Variants in RHBDF1 observed in about 807,000 individuals in gnomAD.
The protein encoded by RHBDF1 is rhomboid 5 homolog 1, also known as inactive rhomboid protein 1.
Under a neutral mutation model 98.6 loss-of-function variants are expected in RHBDF1, and 80 were observed. That is an observed-to-expected ratio of 0.81 (90% CI 0.68 to 0.98). The LOEUF is 0.98. RHBDF1 is among the 50% of genes least tolerant of loss of function. The pLI, the probability that RHBDF1 is intolerant of heterozygous loss-of-function variation, is 0.00. For missense variants in RHBDF1, 1,116 were observed against 1,198.3 expected, an observed-to-expected ratio of 0.93 and a Z score of 1.01; for synonymous variants, 512 against 486.8, an observed-to-expected ratio of 1.05 and a Z score of -0.68.
At chr16:59,700 G>A (rs769506133) in intron 14 of RHBDF1, 32 bp downstream of exon 14, 3 of 1,609,928 alleles carry the variant, frequency 1.9e-6, no homozygotes, top group South Asian at 2.2e-5. Context: ...TGAGCCCAGA[G>A]ACCAGCTGCA....
upstream of RHBDF1, among the ~76,000 whole-genome samples, chr16:72,870 G>A (rs1898015836): frequency 6.6e-6 from 1 of 152,184 alleles, no homozygotes; most frequent in Admixed American, 6.5e-5. Flanking sequence ...GCGCTGGGCG[G>A]CTCCGCCTCT....
chr16:66,809 G>A (rs1218233702), intron 1 of RHBDF1, among the ~76,000 whole-genome samples: 1 of 152,198 alleles, frequency 6.6e-6, no homozygotes, highest in Admixed American at 6.5e-5. Context: ...CACGAGCCAA[G>A]GGCAGCAACT....
At chr16:72,819 C>T (rs1661679625), upstream of RHBDF1, among the ~76,000 whole-genome samples, 1 of 152,184 alleles carries the variant, frequency 6.6e-6, no homozygotes, top group Non-Finnish European at 1.5e-5. Flanking sequence ...TCCAGCGCCT[C>T]GGCCCGACGG....
In RHBDF1 at chr16:61,113, A is replaced by C. The variant is rs1897597056; in HGVS notation, c.1557+7T>G. 1.3e-6 allele frequency: 2 copies of C among 1,522,024 alleles called. No homozygotes were observed. Among genetic ancestry groups the C allele is most frequent in the Non-Finnish European group, 1.8e-6 (2 of 1,134,272 alleles). 94.3% of individuals were successfully genotyped at this position (1,522,024 alleles called of 1,614,324 possible). ...CGAAGGCGGGAGTCCCGGGCGGGGAAACGCACCGAGCACTCCTCCTCCGAG... is the reference window on the plus strand; with the variant it reads ...CGAAGGCGGGAGTCCCGGGCGGGGACACGCACCGAGCACTCCTCCTCCGAG... On this transcript the variant is annotated splice_region_variant and intron_variant, in intron 11 of 17. Transcript: ENST00000262316.
intron 1 of RHBDF1, among the ~76,000 whole-genome samples, chr16:70,064 C>A (rs1256715174): frequency 6.6e-6 from 1 of 152,010 alleles, no homozygotes; most frequent in African/African-American, 2.4e-5. Flanking sequence ...ACAGGGGTCA[C>A]CAGAGCTAAA....
At chr16:61,306 C>T (rs999383332) in intron 10 of RHBDF1, 25 bp from the exon 11 acceptor site, 17 of 1,541,644 alleles carry the variant, frequency 1.1e-5, no homozygotes, top group African/African-American at 1.4e-5. Flanking sequence ...GACGAGCGGC[C>T]GCAGTCCGGG....
At position 63,679 on chromosome 16, in the gene RHBDF1, G is replaced by A; in HGVS notation, c.370C>T (p.Leu124=). The A allele has an allele frequency of 1.2e-6, 2 of 1,612,862 alleles. No individual in the cohort carries two copies. The highest frequency in any genetic ancestry group is 1.3e-5 in the African/African-American group (1 of 75,054). ...ACGTTGTCCTGGCTGGGCAGGTCCA[G>A]CTCCCGGAGGACCTGGGGCTTCAGC... ...GKLKPQVLRE[L]DLPSQDNVSL... Residue 124 remains leucine, a synonymous_variant, in exon 4 of 18, where the codon CTG becomes TTG. Transcript: ENST00000262316.
At chr16:64,339 A>G in intron 3 of RHBDF1, 1 of 1,356,888 alleles carries the variant, frequency 7.4e-7, no homozygotes, top group Non-Finnish European at 9.8e-7. Context: ...ATACCTGAGC[A>G]GGGACCAAGA....
At position 62,107 on chromosome 16, in the gene RHBDF1, C is replaced by CT; in HGVS notation, c.954-56dup. ...CCAGCCCCGCAAACTGCTGCAGTCC[C>CT]TCCCCGGGGGGCACCAGGGCACCCT... On this transcript the variant is annotated intron_variant, in intron 7 of 17. Transcript: ENST00000262316. 7.0e-6 allele frequency: 10 copies of CT among 1,433,108 alleles called. No individual in the cohort carries two copies. The South Asian group carries it at 1.3e-4, about 19-fold the overall frequency. The allele number at this position is 1,433,108 out of a possible 1,614,324, so 88.8% of individuals were successfully genotyped here.
At chr16:60,708 G>A in intron 11 of RHBDF1, 169 bp from the exon 12 acceptor site, 1 of 594,602 alleles carries the variant, frequency 1.7e-6, no homozygotes, top group African/African-American at 1.9e-5. Context: ...CAAGGAGTTT[G>A]ACGGCATAAT....
intron 3 of RHBDF1, chr16:64,466 T>C (rs765804666): frequency 1.3e-6 from 2 of 1,506,764 alleles, no homozygotes; most frequent in Non-Finnish European, 1.8e-6. Context: ...ATCCGGGCGG[T>C]GGAGACAGAG....
intron 3 of RHBDF1, 120 bp downstream of exon 3, chr16:64,578 GA>G: frequency 6.5e-7 from 1 of 1,540,532 alleles, no homozygotes; most frequent in Non-Finnish European, 8.7e-7. Context: ...GGTGGGGACC[GA>G]GATGGAGGAG....
At chr16:59,540 G>T (rs1165369059) in intron 14 of RHBDF1, 46 bp from the exon 15 acceptor site, 1 of 1,582,854 alleles carries the variant, frequency 6.3e-7, no homozygotes, top group Non-Finnish European at 8.6e-7. Flanking sequence ...TTGCAGAGGG[G>T]GATTGCTGGC....
chr16:60,586 G>T, intron 11 of RHBDF1, 47 bp from the exon 12 acceptor site: 1 of 1,462,252 alleles, frequency 6.8e-7, no homozygotes, highest in Non-Finnish European at 9.5e-7. Flanking sequence ...TCAGGGCAAT[G>T]AGGGGCACGC....
intron 7 of RHBDF1, chr16:62,264 A>G (rs933831927): frequency 3.8e-5 from 28 of 738,246 alleles, no homozygotes; most frequent in Non-Finnish European, 5.8e-5. Flanking sequence ...TCTGCAACTC[A>G]GCAAGTATCA....
At chr16:72,108 A>G (rs1427975857) in intron 1 of RHBDF1, among the ~76,000 whole-genome samples, 1 of 152,162 alleles carries the variant, frequency 6.6e-6, no homozygotes, top group African/African-American at 2.4e-5. Context: ...CCGGGAAGGA[A>G]AATGCAGCGG....
intron 9 of RHBDF1, 34 bp from the exon 10 acceptor site, chr16:61,493 C>G: frequency 1.2e-6 from 2 of 1,612,130 alleles, no homozygotes; most frequent in South Asian, 2.2e-5. Context: ...AGACGGGCCC[C>G]GACTCTGGCC....
In RHBDF1 at chr16:60,284, A is replaced by G. The variant is rs1897559791; in HGVS notation, c.1659-5T>C. On this transcript the variant is annotated splice_polypyrimidine_tract_variant and splice_region_variant and intron_variant, in intron 12 of 17. Transcript: ENST00000262316. The stretch of plus-strand genomic sequence containing the variant: ...GAGGAGGGCTCATCACACACCCTGC[A>G]TGAGCCAAGTATGTGGTCAGACCGG... The G allele has an allele frequency of 1.9e-6, 3 of 1,614,062 alleles. No homozygotes were observed. Among genetic ancestry groups the G allele is most frequent in the Non-Finnish European group, 2.5e-6 (3 of 1,180,014 alleles).
intron 1 of RHBDF1, among the ~76,000 whole-genome samples, chr16:71,219 G>A (rs1897960140): frequency 1.3e-5 from 2 of 152,200 alleles, no homozygotes; most frequent in African/African-American, 4.8e-5. Flanking sequence ...GTGCAACGGA[G>A]GCCACCCAGC....
Sources: gnomAD v4.1 joint callset for allele counts (sites outside exome capture counted in the v4.1 genomes callset) on GRCh38, gnomAD v4.1.1 for gene constraint, MANE v1.5 for transcripts, NCBI Gene and HGNC (gene_info 2026-07-23, HGNC 2026-07-21) for gene names.